The following LMX1A variants were observed in gnomAD, a reference collection of about 807,000 sequenced individuals.
LMX1A encodes the protein LIM homeobox transcription factor 1 alpha.
LMX1A carries 15 observed loss-of-function variants against 49.1 expected under a neutral mutation model. That is an observed-to-expected ratio of 0.31 (90% CI 0.20 to 0.47). LMX1A has a LOEUF of 0.47. Ranked by LOEUF, LMX1A falls within the 20% of genes least tolerant of loss-of-function variation. The probability of loss-of-function intolerance (pLI) is 1.00; values close to 1 mark genes in which losing one functional copy is unlikely to be tolerated. For synonymous variants in LMX1A, 167 were observed against 185.7 expected (o/e 0.90, Z 0.82); for missense variants, 372 against 475.8 (o/e 0.78, Z 2.03).
chr1:165,281,490 T>C (rs1571199350), intron 3 of LMX1A, among the ~76,000 whole-genome samples: 1 of 152,122 alleles, frequency 6.6e-6, no homozygotes, highest in East Asian at 1.9e-4. Flanking sequence ...AGCATGGAGT[T>C]TAGCAATCAA....
At chr1:165,256,656 T>G (rs1330974229) in intron 3 of LMX1A, among the ~76,000 whole-genome samples, 1 of 152,226 alleles carries the variant, frequency 6.6e-6, no homozygotes, top group Non-Finnish European at 1.5e-5. Flanking sequence ...GACAACATTT[T>G]GCTCCTAAGG....
At chr1:165,298,550 T>C (rs1189673588) in intron 3 of LMX1A, among the ~76,000 whole-genome samples, 1 of 152,206 alleles carries the variant, frequency 6.6e-6, no homozygotes, top group African/African-American at 2.4e-5. Context: ...TTCTGGATTT[T>C]GGCGGCTAAC....
chr1:165,290,731 T>G (rs184626703), intron 3 of LMX1A, among the ~76,000 whole-genome samples: 9 of 152,308 alleles, frequency 5.9e-5, no homozygotes, highest in Middle Eastern at 3.4e-3. Flanking sequence ...GACTCTCAGA[T>G]TTGGACAAGA....
chr1:165,313,569 A>T (rs1362722914), intron 3 of LMX1A, among the ~76,000 whole-genome samples: 1 of 149,682 alleles, frequency 6.7e-6, no homozygotes, highest in Non-Finnish European at 1.5e-5. Flanking sequence ...GGGCTTAAGG[A>T]AAGCAACAAA....
At chr1:165,297,045 C>G (rs112858064) in intron 3 of LMX1A, among the ~76,000 whole-genome samples, 1 of 152,202 alleles carries the variant, frequency 6.6e-6, no homozygotes, top group African/African-American at 2.4e-5. Flanking sequence ...TCTGTCTCCC[C>G]CAGCAGACCG....
At chr1:165,337,782 G>A (rs1655942632) in intron 3 of LMX1A, among the ~76,000 whole-genome samples, 1 of 151,856 alleles carries the variant, frequency 6.6e-6, no homozygotes, top group East Asian at 1.9e-4. Context: ...CTCAGTTTTA[G>A]TTGGCCAGAA....
At chr1:165,352,171 G>A (rs1351089022) in intron 3 of LMX1A, among the ~76,000 whole-genome samples, 2 of 152,240 alleles carry the variant, frequency 1.3e-5, no homozygotes, top group Non-Finnish European at 2.9e-5. Context: ...CGGCACGCCC[G>A]GAGAGAATAA....
intron 3 of LMX1A, among the ~76,000 whole-genome samples, chr1:165,285,797 C>T (rs1020977176): frequency 1.6e-4 from 25 of 152,112 alleles, no homozygotes; most frequent in African/African-American, 6.0e-4. Context: ...CCCAATGGAC[C>T]CTTGTCTATC....
rs199697925 is a variant in LMX1A at position 165,229,735 on chromosome 1, T to TTTG, written c.497-15925_497-15923dup. 2.0e-3 allele frequency among the ~76,000 whole-genome samples: 312 copies of TTTG among 152,268 alleles called. 5 individuals carry two copies. The East Asian group carries it at 0.056, about 27-fold the overall frequency. ...GGAGGGTTTTTTTGTTTTTTTGTTT[T>TTTG]TTGTTGTTGTTGTTGTTTTCTGTCT... On this transcript the variant is annotated intron_variant, in intron 4 of 8. Transcript: ENST00000342310.
intron 4 of LMX1A, chr1:165,218,868 C>G (rs1208542237): frequency 6.6e-6 from 1 of 152,080 alleles, no homozygotes; most frequent in East Asian, 1.9e-4. Context: ...AAGCTGACAC[C>G]CCTCAGCGGA....
intron 3 of LMX1A, among the ~76,000 whole-genome samples, chr1:165,258,563 T>G (rs1170802302): frequency 6.6e-6 from 1 of 152,118 alleles, no homozygotes; most frequent in African/African-American, 2.4e-5. Flanking sequence ...TGCCTGCAGC[T>G]CCTGGGGAGC....
chr1:165,209,909 C>G (rs1031234448), intron 6 of LMX1A, among the ~76,000 whole-genome samples: 1 of 152,140 alleles, frequency 6.6e-6, no homozygotes, highest in African/African-American at 2.4e-5. Flanking sequence ...GGGGCTGAAC[C>G]CTCAACCTGT....
At chr1:165,301,368 C>T (rs537585488) in intron 3 of LMX1A, among the ~76,000 whole-genome samples, 47 of 45,242 alleles carry the variant, frequency 1.0e-3, no homozygotes, top group African/African-American at 3.2e-3. Context: ...ATTACACTCC[C>T]GACAACACAC....
At chr1:165,287,441 C>T (rs1297465962) in intron 3 of LMX1A, among the ~76,000 whole-genome samples, 11 of 152,156 alleles carry the variant, frequency 7.2e-5, no homozygotes, top group African/African-American at 2.4e-5. Context: ...AAAAGGGAGG[C>T]GGTGACAAGA....
intron 3 of LMX1A, among the ~76,000 whole-genome samples, chr1:165,261,118 C>A (rs908458217): frequency 2.0e-5 from 3 of 152,168 alleles, no homozygotes; most frequent in African/African-American, 4.8e-5. Flanking sequence ...ATCCCCAAAG[C>A]AGCCTCTTTA....
rs200652445 is a variant in LMX1A, at chr1:165,353,036, G to A, written c.263+40C>T. 2.4e-3 allele frequency: 3,816 copies of A among 1,590,152 alleles called. 7 individuals are homozygous for A. The highest frequency in any genetic ancestry group is 2.9e-3 in the Non-Finnish European group (3,339 of 1,159,696). ...GACAAAGTCCTCGACGCACACTGAT[G>A]CCAGTGCGCGGGGAGCGCTGCGGGG... On this transcript the variant is annotated intron_variant, in intron 3 of 8. Transcript: ENST00000342310.
chr1:165,278,928 C>A (rs1203720557), intron 3 of LMX1A, among the ~76,000 whole-genome samples: 1 of 152,158 alleles, frequency 6.6e-6, no homozygotes, highest in Non-Finnish European at 1.5e-5. Flanking sequence ...GAGGTTCAGA[C>A]TTATTATACA....
intron 4 of LMX1A, among the ~76,000 whole-genome samples, chr1:165,219,456 G>C (rs918346112): frequency 6.6e-6 from 1 of 152,100 alleles, no homozygotes; most frequent in Admixed American, 6.5e-5. Flanking sequence ...GAGGGAGGAG[G>C]GAAAGAAAGA....
chr1:165,224,753 T>G (rs1651975712), intron 4 of LMX1A, among the ~76,000 whole-genome samples: 1 of 152,242 alleles, frequency 6.6e-6, no homozygotes, highest in African/African-American at 2.4e-5. Context: ...GCTGTAGAGT[T>G]CTGCCTTTCC....
Sources: gnomAD v4.1 joint callset for allele counts (sites outside exome capture counted in the v4.1 genomes callset) on GRCh38, gnomAD v4.1.1 for gene constraint, MANE v1.5 for transcripts, NCBI Gene and HGNC (gene_info 2026-07-23, HGNC 2026-07-21) for gene names.